PRMT8: variants seen among roughly 807,000 people sequenced by gnomAD.
The protein encoded by PRMT8 is protein arginine N-methyltransferase 8.
Under a neutral mutation model 47.1 loss-of-function variants are expected in PRMT8, and 7 were observed. The observed-to-expected ratio is 0.15, with a 90% confidence interval of 0.08 to 0.28. The LOEUF is 0.28. Ranked by LOEUF, PRMT8 falls within the 10% of genes least tolerant of loss-of-function variation. PRMT8 has a pLI of 1.00. For synonymous variants in PRMT8, 188 were observed against 186.5 expected, an observed-to-expected ratio of 1.01 and a Z score of -0.07; for missense variants, 237 against 505.4, an observed-to-expected ratio of 0.47 and a Z score of 5.09.
intron 1 of PRMT8, among the ~76,000 whole-genome samples, chr12:3,475,577 T>C (rs1865204205): frequency 6.6e-6 from 1 of 152,148 alleles, no homozygotes; most frequent in African/African-American, 2.4e-5. Context: ...GCAGCGTCCT[T>C]ATGTCTAGAG....
intron 1 of PRMT8, among the ~76,000 whole-genome samples, chr12:3,410,143 C>T (rs1864412107): frequency 6.6e-6 from 1 of 152,182 alleles, no homozygotes; most frequent in Non-Finnish European, 1.5e-5. Flanking sequence ...CCAAAATTCT[C>T]TCCTTGAAAT....
chr12:3,424,373 G>T (rs1187658687), intron 1 of PRMT8, among the ~76,000 whole-genome samples: 3 of 152,062 alleles, frequency 2.0e-5, no homozygotes. Flanking sequence ...TTATCCAAGT[G>T]GCGCAAATGA....
intron 1 of PRMT8, among the ~76,000 whole-genome samples, chr12:3,537,803 G>C (rs1866144784): frequency 6.6e-6 from 1 of 152,146 alleles, no homozygotes; most frequent in African/African-American, 2.4e-5. Context: ...CACCCCAGTA[G>C]TTCAGGCTCT....
rs564836343 is a variant in PRMT8 at position 3,492,278 on chromosome 12, C to T, written c.75+578C>T. Among the ~76,000 whole-genome samples, 4 of 152,186 alleles carry T rather than the reference C, an allele frequency of 2.6e-5. No individual in the cohort carries two copies. The highest frequency in any genetic ancestry group is 9.6e-5 in the African/African-American group (4 of 41,556). ...ACTCGGGCACCTCCTACAGACCCTC[C>T]GGCCCAGATCTGGGCCAGAGAGAAG... On this transcript the variant is annotated intron_variant, in intron 1 of 9. Coordinates refer to ENST00000382622, the MANE Select transcript of PRMT8 (RefSeq NM_019854.5). The surrounding 1 kb of genome is among the most constrained non-coding windows in gnomAD (Gnocchi z 7.5).
intron 1 of PRMT8, among the ~76,000 whole-genome samples, chr12:3,444,281 G>A (rs947734622): frequency 6.6e-6 from 1 of 152,120 alleles, no homozygotes; most frequent in African/African-American, 2.4e-5. Flanking sequence ...TGCCCTCCTG[G>A]CCTAGTGTTG....
At chr12:3,540,524 G>A (rs1866203165) in intron 1 of PRMT8, 82 bp from the exon 2 acceptor site, 1 of 934,890 alleles carries the variant, frequency 1.1e-6, no homozygotes, top group African/African-American at 1.6e-5. Context: ...CTCAGGGAGG[G>A]GGAAGGAAAG....
At position 3,550,202 on chromosome 12, in the gene PRMT8, G is replaced by T; in HGVS notation, c.417+111G>T. On this transcript the variant is annotated intron_variant, in intron 3 of 9. Transcript: ENST00000382622. The surrounding 1 kb of genome is among the most constrained non-coding windows in gnomAD (Gnocchi z 5.1). ...AAATTTGGTCCATCTCTTTTGCTGG[G>T]GTCACACCTTCGAGGAGTAGAAGAA... The T allele has an allele frequency of 7.3e-7, 1 of 1,373,740 alleles. No individual in the cohort carries two copies. The highest frequency in any genetic ancestry group is 1.0e-6 in the Non-Finnish European group (1 of 992,894). 85.1% of individuals were successfully genotyped at this position (1,373,740 alleles called of 1,614,324 possible).
Position 3,538,011 on chromosome 12 carries a change from G to C in PRMT8, c.76-2595G>C, listed in dbSNP as rs1053001859. The stretch of plus-strand genomic sequence containing the variant: ...CCCGTTGTCTTTTGTATTTAATTAC[G>C]ACCTCTTAGCCTGGCCATAATTTCC... On this transcript the variant is annotated intron_variant, in intron 1 of 9. Transcript: ENST00000382622. This position sits in a 1 kb window ranked among gnomAD's most constrained non-coding sequence, Gnocchi z 4.6. Among the ~76,000 whole-genome samples, 1 of 151,924 alleles carries C rather than the reference G, an allele frequency of 6.6e-6. No homozygotes were observed. Among genetic ancestry groups the C allele is most frequent in the Non-Finnish European group, 1.5e-5 (1 of 68,012 alleles).
At chr12:3,384,903 A>G (rs1392434148) in intron 1 of PRMT8, among the ~76,000 whole-genome samples, 2 of 140,048 alleles carry the variant, frequency 1.4e-5, no homozygotes, top group Non-Finnish European at 3.0e-5. Flanking sequence ...GTGACAGTGG[A>G]GCCCTCCAGT....
chr12:3,477,566 T>A (rs1434567022), intron 1 of PRMT8, among the ~76,000 whole-genome samples: 1 of 152,240 alleles, frequency 6.6e-6, no homozygotes, highest in East Asian at 1.9e-4. Context: ...TAGAGATTTT[T>A]AAAAAGATAC....
At chr12:3,491,099 G>T (rs1359994706), upstream of PRMT8, 4 of 930,388 alleles carry the variant, frequency 4.3e-6, no homozygotes, top group Non-Finnish European at 5.1e-6. Flanking sequence ...GGGGGCGCTG[G>T]GGGCCCTCGG....
intron 1 of PRMT8, among the ~76,000 whole-genome samples, chr12:3,476,244 T>A (rs531890904): frequency 3.0e-4 from 46 of 152,332 alleles, no homozygotes; most frequent in African/African-American, 1.1e-3. Flanking sequence ...GAAGTCAAGA[T>A]GTTTTTGGAA....
chr12:3,485,238 C>G (rs1194730449), intron 1 of PRMT8, among the ~76,000 whole-genome samples: 2 of 152,138 alleles, frequency 1.3e-5, no homozygotes, highest in African/African-American at 4.8e-5. Flanking sequence ...GAGCCTTTCC[C>G]CAGGCATTGG....
At chr12:3,432,343 C>G (rs1286963195) in intron 1 of PRMT8, among the ~76,000 whole-genome samples, 2 of 152,206 alleles carry the variant, frequency 1.3e-5, no homozygotes, top group Admixed American at 1.3e-4. Context: ...TTCTGCCATT[C>G]GGAGCATTGG....
rs1867049661 is a variant in PRMT8, at chr12:3,580,936, G to A, written c.829-2122G>A. Among the ~76,000 whole-genome samples, 1 of 152,196 alleles carries A rather than the reference G, an allele frequency of 6.6e-6. No homozygotes were observed. Among genetic ancestry groups the A allele is most frequent in the Non-Finnish European group, 1.5e-5 (1 of 68,032 alleles). On this transcript the variant is annotated intron_variant, in intron 7 of 9. Coordinates refer to ENST00000382622, the MANE Select transcript of PRMT8 (RefSeq NM_019854.5). This position sits in a 1 kb window ranked among gnomAD's most constrained non-coding sequence, Gnocchi z 4.6. ...GCCATGTGGCTGGGAGGGATAATGA[G>A]CATTATGAAGGCTGACATATACTCA...
In PRMT8 at chr12:3,593,210, G is replaced by A. The variant is rs373160839; in HGVS notation, c.*28G>A. 6.3e-6 allele frequency: 10 copies of A among 1,581,954 alleles called. 1 individual carries two copies. The highest frequency in any genetic ancestry group is 5.6e-5 in the South Asian group (5 of 89,696). Reference sequence around the variant, plus strand: ...CACGTGGGAAGCTGCAGAGAGCAACGAGAAAAGGAACTCTCACCTCGATCT... The same window carrying A: ...CACGTGGGAAGCTGCAGAGAGCAACAAGAAAAGGAACTCTCACCTCGATCT... On this transcript the variant is annotated 3_prime_UTR_variant, in exon 10 of 10. Transcript: ENST00000382622. The surrounding 1 kb of genome is among the most constrained non-coding windows in gnomAD (Gnocchi z 4.8).
intron 1 of PRMT8, chr12:3,469,401 C>T (rs187843510): frequency 1.6e-4 from 42 of 259,094 alleles, no homozygotes; most frequent in Middle Eastern, 1.4e-3. Flanking sequence ...AAAGAGCTTC[C>T]AGTGCTGGTT....
chr12:3,543,263 C>T (rs553413339), intron 2 of PRMT8, among the ~76,000 whole-genome samples: 1 of 152,296 alleles, frequency 6.6e-6, no homozygotes, highest in East Asian at 1.9e-4. Context: ...CTCCTTTTAC[C>T]CTGTTTTCAG....
chr12:3,551,485 G>A, intron 3 of PRMT8: 1 of 152,454 alleles, frequency 6.6e-6, no homozygotes, highest in Non-Finnish European at 1.5e-5. Context: ...TTCTTTCCCA[G>A]CACCGAGGCC....
Sources: allele counts gnomAD v4.1 joint callset (sites outside exome capture counted in the v4.1 genomes callset), GRCh38; gene constraint gnomAD v4.1.1; non-coding constraint Gnocchi (gnomAD v3.1); transcripts MANE v1.5; gene names NCBI Gene and HGNC (gene_info 2026-07-23, HGNC 2026-07-21).